The following TRPS1 variants were observed in gnomAD, a reference collection of about 807,000 sequenced individuals.
TRPS1 encodes the protein transcriptional repressor GATA binding 1.
In TRPS1, 6 loss-of-function variants were observed where a neutral mutation model predicts 101.2. The observed-to-expected ratio is 0.06, with a 90% CI of 0.03 to 0.12. TRPS1 has a LOEUF of 0.12. TRPS1 is among the 10% of genes least tolerant of loss of function. The pLI is 1.00. For synonymous variants in TRPS1, 578 were observed against 589.8 expected (o/e 0.98, Z 0.29); for missense variants, 1,363 against 1,567.0 (o/e 0.87, Z 2.20).
At chr8:115,533,361 C>G (rs1463295766) in intron 5 of TRPS1, among the ~76,000 whole-genome samples, 1 of 147,006 alleles carries the variant, frequency 6.8e-6, no homozygotes, top group Non-Finnish European at 1.5e-5. Flanking sequence ...CAATGCCACA[C>G]AGGGAGTACC....
chr8:115,638,715 G>A (rs1316190429), intron 1 of TRPS1, among the ~76,000 whole-genome samples: 1 of 152,128 alleles, frequency 6.6e-6, no homozygotes, highest in Non-Finnish European at 1.5e-5. Flanking sequence ...AAAACCAACA[G>A]TGGTTTTGGC....
intron 5 of TRPS1, among the ~76,000 whole-genome samples, chr8:115,545,238 AAAT>A (rs1816543997): frequency 6.6e-6 from 1 of 152,174 alleles, no homozygotes; most frequent in Non-Finnish European, 1.5e-5. Context: ...GAGTATGCTG[AAAT>A]AAAGAAACAT....
chr8:115,571,563 C>T (rs1204907805), intron 5 of TRPS1, among the ~76,000 whole-genome samples: 2 of 152,064 alleles, frequency 1.3e-5, no homozygotes, highest in East Asian at 3.8e-4. Flanking sequence ...AAGCAGAATG[C>T]TTTTAAAATG....
intron 5 of TRPS1, among the ~76,000 whole-genome samples, chr8:115,501,133 A>G (rs551543243): frequency 1.1e-3 from 162 of 152,022 alleles, no homozygotes; most frequent in Non-Finnish European, 1.8e-3. Flanking sequence ...TTGTCTGACC[A>G]CTCTTCAGAA....
At chr8:115,535,499 ATATATATAGCG>A (rs1381949589) in intron 5 of TRPS1, among the ~76,000 whole-genome samples, 8 of 147,388 alleles carry the variant, frequency 5.4e-5, no homozygotes, top group African/African-American at 1.7e-4. Context: ...TATATATAGC[ATATATATAGCG>A]CATATATATA....
intron 5 of TRPS1, among the ~76,000 whole-genome samples, chr8:115,499,996 G>A (rs140138378): frequency 8.6e-6 from 1 of 116,756 alleles, no homozygotes; most frequent in East Asian, 2.3e-4. Context: ...TTCTTTTCTA[G>A]TATTATTTCT....
At chr8:115,463,137 T>C (rs769545930) in intron 5 of TRPS1, among the ~76,000 whole-genome samples, 2 of 152,190 alleles carry the variant, frequency 1.3e-5, no homozygotes, top group Non-Finnish European at 2.9e-5. Flanking sequence ...TATTAACACT[T>C]CCATTTGGCT....
chr8:115,640,229 C>T (rs1432938172), intron 1 of TRPS1, among the ~76,000 whole-genome samples: 1 of 152,090 alleles, frequency 6.6e-6, no homozygotes, highest in Admixed American at 6.5e-5. Flanking sequence ...ATTTTATGTA[C>T]CTCTTTCTAC....
intron 2 of TRPS1, among the ~76,000 whole-genome samples, chr8:115,620,782 A>G (rs757005109): frequency 2.0e-5 from 3 of 152,206 alleles, no homozygotes; most frequent in Non-Finnish European, 2.9e-5. Flanking sequence ...AAGACCTGCT[A>G]TGCATCACAG....
intron 1 of TRPS1, among the ~76,000 whole-genome samples, chr8:115,646,066 T>C (rs1346897100): frequency 6.6e-6 from 1 of 152,160 alleles, no homozygotes; most frequent in Non-Finnish European, 1.5e-5. Context: ...CTATTTTGAA[T>C]AGTCTAAGCA....
In TRPS1 at chr8:115,488,691, C is replaced by CA. The variant is rs201367687; in HGVS notation, c.2701-70240dup. On this transcript the variant is annotated intron_variant, in intron 5 of 6. Transcript: ENST00000395715. ...TCCGTCAAAAACAAAAACCAAAAAA[C>CA]AAAAAAAACAAACCAGACATTTTTC... Among the ~76,000 whole-genome samples the CA allele has an allele frequency of 1.0e-3, 154 of 151,560 alleles. No individual in the cohort carries two copies. The East Asian group carries it at 0.027, about 27-fold the overall frequency.
Position 115,411,576 on chromosome 8 carries a change from C to T in TRPS1, c.*2447G>A, listed in dbSNP as rs562503936. 1.3e-5 allele frequency: 2 copies of T among 152,522 alleles called. No individual in the cohort carries two copies. The highest frequency in any genetic ancestry group is 4.1e-4 in the South Asian group (2 of 4,822). The allele number at this position is 152,522 out of a possible 1,614,324, so 9.4% of individuals were successfully genotyped here. A position where few individuals can be genotyped will look rare whatever the true frequency, so the allele number is the denominator to read the frequency against. On this transcript the variant is annotated 3_prime_UTR_variant, in exon 7 of 7. Coordinates refer to ENST00000395715, the MANE Select transcript of TRPS1 (RefSeq NM_014112.5). Reference sequence around the variant, plus strand: ...TTTTAGATCTTTAATTGTCACCTCTCAAGTCTGGCTATACATTTTGAGATG... The same window carrying T: ...TTTTAGATCTTTAATTGTCACCTCTTAAGTCTGGCTATACATTTTGAGATG...
chr8:115,629,559 C>G (rs1447362880), intron 1 of TRPS1, among the ~76,000 whole-genome samples: 6 of 151,774 alleles, frequency 4.0e-5, no homozygotes, highest in Non-Finnish European at 7.4e-5. Context: ...CTAATGCTGT[C>G]CAGCTACCGT....
intron 5 of TRPS1, among the ~76,000 whole-genome samples, chr8:115,455,823 C>T (rs1274678576): frequency 8.3e-5 from 11 of 132,218 alleles, no homozygotes; most frequent in Non-Finnish European, 1.1e-4. Context: ...CTTGCTCTGT[C>T]GCCCAGGCTG....
At chr8:115,496,087 C>G (rs972244964) in intron 5 of TRPS1, among the ~76,000 whole-genome samples, 1 of 152,120 alleles carries the variant, frequency 6.6e-6, no homozygotes, top group Non-Finnish European at 1.5e-5. Context: ...CTTAGTTGAG[C>G]AACTAACTAC....
chr8:115,500,701 C>T (rs1299456079), intron 5 of TRPS1, among the ~76,000 whole-genome samples: 1 of 152,068 alleles, frequency 6.6e-6, no homozygotes, highest in African/African-American at 2.4e-5. Context: ...TCCCGAGTAG[C>T]TGGGACTACA....
intron 5 of TRPS1, among the ~76,000 whole-genome samples, chr8:115,433,709 G>C (rs186479267): frequency 6.6e-6 from 1 of 152,058 alleles, no homozygotes; most frequent in Admixed American, 6.6e-5. Context: ...AGTACTAAAC[G>C]TACATATGAA....
chr8:115,620,086 A>C (rs776208042), intron 2 of TRPS1, 26 bp from the exon 3 acceptor site: 2 of 1,608,148 alleles, frequency 1.2e-6, no homozygotes, highest in Non-Finnish European at 1.7e-6. Context: ...GAAAAGGCAG[A>C]TACAGTGTTA....
At chr8:115,524,073 C>T (rs184903073) in intron 5 of TRPS1, among the ~76,000 whole-genome samples, 4 of 152,170 alleles carry the variant, frequency 2.6e-5, no homozygotes, top group Admixed American at 6.6e-5. Context: ...TTATCCATAA[C>T]TGAATTTATT....
Sources: gnomAD v4.1 joint callset for allele counts (sites outside exome capture counted in the v4.1 genomes callset) on GRCh38, gnomAD v4.1.1 for gene constraint, MANE v1.5 for transcripts, NCBI Gene and HGNC (gene_info 2026-07-23, HGNC 2026-07-21) for gene names.